DLGAP1: variants seen among roughly 807,000 people sequenced by gnomAD.
DLGAP1 encodes disks large-associated protein 1.
A neutral mutation model predicts 90.8 loss-of-function variants in DLGAP1; 11 were observed. The observed-to-expected ratio is 0.12, with a 90% CI of 0.08 to 0.20. DLGAP1 has a LOEUF of 0.20. Among genes scored for constraint, DLGAP1 ranks in the 10% least tolerant of loss-of-function variants. The probability of loss-of-function intolerance (pLI) is 1.00; values close to 1 mark genes in which losing one functional copy is unlikely to be tolerated. For synonymous variants in DLGAP1, 558 were observed against 540.7 expected (o/e 1.03, Z -0.44); for missense variants, 1,050 against 1,333.8 (o/e 0.79, Z 3.31).
intron 6 of DLGAP1, among the ~76,000 whole-genome samples, chr18:3,737,142 C>T: frequency 6.9e-6 from 1 of 145,904 alleles, no homozygotes; most frequent in African/African-American, 2.5e-5. Context: ...GCTTACCAAC[C>T]AAAAAGAGTC....
At chr18:4,200,739 A>G (rs2144804948) in intron 1 of DLGAP1, among the ~76,000 whole-genome samples, 1 of 152,238 alleles carries the variant, frequency 6.6e-6, no homozygotes, top group South Asian at 2.1e-4. Context: ...CCAATACTTC[A>G]CAGTTGAATT....
intron 1 of DLGAP1, among the ~76,000 whole-genome samples, chr18:4,397,712 T>C (rs1187447982): frequency 6.6e-6 from 1 of 152,198 alleles, no homozygotes; most frequent in Non-Finnish European, 1.5e-5. Context: ...ACCATTATTA[T>C]GTTTTTAGTT....
intron 3 of DLGAP1, among the ~76,000 whole-genome samples, chr18:3,887,102 C>T (rs2071337017): frequency 6.6e-6 from 1 of 152,186 alleles, no homozygotes; most frequent in Admixed American, 6.5e-5. Context: ...AAAGGAAGGG[C>T]CTGCGCTGGC....
chr18:3,659,357 G>C (rs1236768208), intron 7 of DLGAP1, among the ~76,000 whole-genome samples: 1 of 149,998 alleles, frequency 6.7e-6, no homozygotes, highest in Non-Finnish European at 1.5e-5. Flanking sequence ...CATTGACATT[G>C]CCTGGAATTC....
chr18:3,921,245 C>T (rs1217487610), intron 3 of DLGAP1, among the ~76,000 whole-genome samples: 2 of 152,026 alleles, frequency 1.3e-5, no homozygotes, highest in African/African-American at 4.8e-5. Flanking sequence ...TATTCTGAAC[C>T]CCATTTTCTG....
Position 3,526,804 on chromosome 18 carries a change from G to A in DLGAP1, c.2479+7390C>T, listed in dbSNP as rs2051651634. Among the ~76,000 whole-genome samples, 1 of 152,162 alleles carries A rather than the reference G, an allele frequency of 6.6e-6. No homozygotes were observed. Among genetic ancestry groups the A allele is most frequent in the Non-Finnish European group, 1.5e-5 (1 of 68,024 alleles). On this transcript the variant is annotated intron_variant, in intron 10 of 12. Transcript: ENST00000315677. The surrounding 1 kb of genome is among the most constrained non-coding windows in gnomAD (Gnocchi z 4.7). ...CCAGACGTATCTATGTAACATACAAGCCACTGTCAAATAGCACTGAGCCAT... is the reference window on the plus strand; with the variant it reads ...CCAGACGTATCTATGTAACATACAAACCACTGTCAAATAGCACTGAGCCAT...
At chr18:3,886,985 G>T (rs2071333721) in intron 3 of DLGAP1, among the ~76,000 whole-genome samples, 2 of 152,194 alleles carry the variant, frequency 1.3e-5, no homozygotes, top group African/African-American at 4.8e-5. Flanking sequence ...AAAGATAAAG[G>T]TTCTGACCTA....
At chr18:4,142,816 CG>C (rs2076517060) in intron 2 of DLGAP1, among the ~76,000 whole-genome samples, 1 of 152,064 alleles carries the variant, frequency 6.6e-6, no homozygotes, top group African/African-American at 2.4e-5. Flanking sequence ...CTGTATTAGG[CG>C]GTACCCCAAG....
chr18:3,568,873 A>C (rs980537158), intron 8 of DLGAP1, among the ~76,000 whole-genome samples: 4 of 151,242 alleles, frequency 2.6e-5, no homozygotes, highest in Non-Finnish European at 5.9e-5. Context: ...TTTTTAGTAG[A>C]GACGGGGTTT....
At chr18:3,512,637 C>A (rs905675287) in intron 10 of DLGAP1, among the ~76,000 whole-genome samples, 3 of 152,172 alleles carry the variant, frequency 2.0e-5, no homozygotes, top group Non-Finnish European at 4.4e-5. Context: ...CACAAACAGG[C>A]ATCTAATTAG....
At chr18:3,636,596 A>G (rs1432042009) in intron 7 of DLGAP1, among the ~76,000 whole-genome samples, 1 of 137,040 alleles carries the variant, frequency 7.3e-6, no homozygotes, top group Non-Finnish European at 1.6e-5. Context: ...ATTTTTTTTT[A>G]GTAGAGATGG....
At chr18:3,981,010 C>T (rs1053502282) in intron 3 of DLGAP1, among the ~76,000 whole-genome samples, 7 of 152,124 alleles carry the variant, frequency 4.6e-5, no homozygotes, top group African/African-American at 1.7e-4. Context: ...TTTTTAAAGA[C>T]AAGATCTAGT....
chr18:4,384,308 T>C lies in DLGAP1; in HGVS notation c.-267+70698A>G, dbSNP rs534888436. On this transcript the variant is annotated intron_variant, in intron 1 of 12. Transcript: ENST00000315677. Reference sequence around the variant, plus strand: ...TCTCAGAGAAGTTATTAAGTTAATATGTTGAAATTTATTAGACTAGCACCT... The same window carrying C: ...TCTCAGAGAAGTTATTAAGTTAATACGTTGAAATTTATTAGACTAGCACCT... Among the ~76,000 whole-genome samples the C allele has an allele frequency of 1.1e-4, 17 of 152,264 alleles. No homozygotes were observed. In the South Asian group the frequency reaches 2.3e-3, roughly 20 times the overall value.
chr18:4,199,542 A>C lies in DLGAP1; in HGVS notation c.-266-48255T>G, dbSNP rs139729665. On this transcript the variant is annotated intron_variant, in intron 1 of 12. Transcript: ENST00000315677. The stretch of plus-strand genomic sequence containing the variant: ...CAATGAGAGGTTGTCATCCATGTTA[A>C]TATCTTCTGGCATATGTGAACTGGG... 4.7e-4 allele frequency among the ~76,000 whole-genome samples: 71 copies of C among 152,322 alleles called. No homozygotes were observed. In the South Asian group the frequency reaches 5.4e-3, roughly 12 times the overall value.
intron 5 of DLGAP1, chr18:3,771,366 C>T (rs2064528159): frequency 6.6e-6 from 1 of 152,306 alleles, no homozygotes. Context: ...GATGCTCCGT[C>T]CCACTCCTTC....
intron 1 of DLGAP1, among the ~76,000 whole-genome samples, chr18:4,241,880 T>A (rs1474238): frequency 0.032 from 4,801 of 152,264 alleles, 192 homozygotes; most frequent in Admixed American, 0.077. Context: ...TAAACATTTT[T>A]AAATTTATTT....
At chr18:3,553,107 A>T (rs565440205) in intron 9 of DLGAP1, among the ~76,000 whole-genome samples, 2 of 152,276 alleles carry the variant, frequency 1.3e-5, no homozygotes, top group African/African-American at 4.8e-5. Flanking sequence ...AACAGAAATC[A>T]TCTAAAAGTA....
At chr18:4,031,581 C>A (rs150666422) in intron 2 of DLGAP1, among the ~76,000 whole-genome samples, 18 of 152,192 alleles carry the variant, frequency 1.2e-4, no homozygotes, top group African/African-American at 4.3e-4. Flanking sequence ...TGTCAAGGAA[C>A]CATTTGTTAA....
chr18:3,561,367 T>A (rs1184183841), intron 9 of DLGAP1, among the ~76,000 whole-genome samples: 1 of 126,480 alleles, frequency 7.9e-6, no homozygotes, highest in Admixed American at 9.8e-5. Flanking sequence ...ACCTGGGAGG[T>A]GGAGGTTGCA....
Sources: allele counts gnomAD v4.1 joint callset (sites outside exome capture counted in the v4.1 genomes callset), GRCh38; gene constraint gnomAD v4.1.1; non-coding constraint Gnocchi (gnomAD v3.1); transcripts MANE v1.5; gene names NCBI Gene and HGNC (gene_info 2026-07-23, HGNC 2026-07-21).